C1QTNF3: variants seen among roughly 807,000 people sequenced by gnomAD.
C1QTNF3 encodes the protein complement C1q tumor necrosis factor-related protein 3.
C1QTNF3 carries 26 observed loss-of-function variants against 32.6 expected under a neutral mutation model. The ratio of observed to expected loss-of-function variants is 0.80; its 90% CI spans 0.58 to 1.11. C1QTNF3 has a LOEUF of 1.11. Ranked by LOEUF, C1QTNF3 falls within the 50% of genes least tolerant of loss-of-function variation. The pLI, the probability that C1QTNF3 is intolerant of heterozygous loss-of-function variation, is 0.00. For synonymous variants in C1QTNF3, 155 were observed against 146.0 expected, an observed-to-expected ratio of 1.06 and a Z score of -0.44; for missense variants, 362 against 398.2, an observed-to-expected ratio of 0.91 and a Z score of 0.77.
chr5:34,155,917 C>G, the C1QTNF3 span, among the ~76,000 whole-genome samples: 1 of 152,010 alleles, frequency 6.6e-6, no homozygotes, highest in Non-Finnish European at 1.5e-5. Flanking sequence ...TAAAGTCAAA[C>G]TAATTTAGCT....
the C1QTNF3 span, among the ~76,000 whole-genome samples, chr5:34,217,075 G>A: frequency 1.3e-5 from 2 of 152,072 alleles, no homozygotes; most frequent in Admixed American, 6.6e-5. Flanking sequence ...TAACTCTTGT[G>A]TCCATGTAAA....
At chr5:34,127,346 A>G in the C1QTNF3 span, among the ~76,000 whole-genome samples, 1 of 152,082 alleles carries the variant, frequency 6.6e-6, no homozygotes, top group Non-Finnish European at 1.5e-5. Flanking sequence ...CAAAATGTCG[A>G]TAGTGATATG....
upstream of C1QTNF3, among the ~76,000 whole-genome samples, chr5:34,047,394 T>C (rs185413913): frequency 8.0e-3 from 1,215 of 152,354 alleles, 11 homozygotes; most frequent in Non-Finnish European, 0.011. Flanking sequence ...GAGGCCGTTA[T>C]AAGATGTGTA....
chr5:34,181,541 T>C, the C1QTNF3 span, among the ~76,000 whole-genome samples: 4 of 152,376 alleles, frequency 2.6e-5, no homozygotes, highest in East Asian at 7.7e-4. Flanking sequence ...CTCCATGAAA[T>C]TGGGGTGTGG....
At chr5:34,182,497 A>ATAAG in the C1QTNF3 span, among the ~76,000 whole-genome samples, 2 of 152,058 alleles carry the variant, frequency 1.3e-5, no homozygotes, top group African/African-American at 4.8e-5. Context: ...AAATAAATAA[A>ATAAG]TAAATAAATA....
At chr5:34,051,457 C>T in the C1QTNF3 span, among the ~76,000 whole-genome samples, 1 of 152,156 alleles carries the variant, frequency 6.6e-6, no homozygotes, top group Admixed American at 6.5e-5. Context: ...TTCTGCAACT[C>T]ACACATAGTA....
the C1QTNF3 span, among the ~76,000 whole-genome samples, chr5:34,226,725 CTGT>C: frequency 2.0e-5 from 3 of 151,908 alleles, no homozygotes; most frequent in Admixed American, 2.0e-4. Context: ...TAAGAGCCTA[CTGT>C]TGACTGGACA....
At chr5:34,054,336 C>G in the C1QTNF3 span, among the ~76,000 whole-genome samples, 1 of 152,216 alleles carries the variant, frequency 6.6e-6, no homozygotes, top group African/African-American at 2.4e-5. Flanking sequence ...GAGATAAACA[C>G]AGTTCTGTAT....
At chr5:34,181,069 T>C in the C1QTNF3 span, among the ~76,000 whole-genome samples, 2 of 152,304 alleles carry the variant, frequency 1.3e-5, no homozygotes, top group East Asian at 1.9e-4. Context: ...ACCCACCGCA[T>C]CCGGCCTAGA....
At chr5:34,074,669 T>A in the C1QTNF3 span, among the ~76,000 whole-genome samples, 4 of 151,696 alleles carry the variant, frequency 2.6e-5, no homozygotes, top group East Asian at 7.7e-4. Context: ...TGTTTCAGGG[T>A]TCCACATGCT....
the C1QTNF3 span, among the ~76,000 whole-genome samples, chr5:34,141,357 ATCTG>A: frequency 6.6e-6 from 1 of 152,088 alleles, no homozygotes; most frequent in African/African-American, 2.4e-5. Context: ...TGACCTCGTG[ATCTG>A]TCTGCCTCAG....
At chr5:34,032,714 C>G (rs1207831789) in intron 3 of C1QTNF3, among the ~76,000 whole-genome samples, 1 of 152,028 alleles carries the variant, frequency 6.6e-6, no homozygotes, top group Non-Finnish European at 1.5e-5. Flanking sequence ...GAGAATTGCT[C>G]AAACCCACGA....
chr5:34,201,337 T>A, the C1QTNF3 span, among the ~76,000 whole-genome samples: 1 of 152,170 alleles, frequency 6.6e-6, no homozygotes, highest in Non-Finnish European at 1.5e-5. Context: ...ACTTGCAATT[T>A]ACCAAGAAAT....
At chr5:34,173,110 C>G in the C1QTNF3 span, among the ~76,000 whole-genome samples, 2 of 151,986 alleles carry the variant, frequency 1.3e-5, no homozygotes, top group Non-Finnish European at 2.9e-5. Flanking sequence ...TACAGTTGCA[C>G]TAAAGTATAT....
the C1QTNF3 span, among the ~76,000 whole-genome samples, chr5:34,056,511 GAGAGAGAGAGAGAGAGAA>G: frequency 7.1e-6 from 1 of 141,602 alleles, no homozygotes; most frequent in African/African-American, 2.7e-5. Context: ...GAGAGAGAGA[GAGAGAGAGAGAGAGAGAA>G]AGAGATAGGG....
At chr5:34,094,504 ATAAATGT>A in the C1QTNF3 span, among the ~76,000 whole-genome samples, 1 of 150,902 alleles carries the variant, frequency 6.6e-6, no homozygotes, top group Non-Finnish European at 1.5e-5. Context: ...GAAGAGTAAT[ATAAATGT>A]TAATTTTCTA....
chr5:34,081,549 A>G, the C1QTNF3 span, among the ~76,000 whole-genome samples: 4 of 151,622 alleles, frequency 2.6e-5, 1 homozygote, highest in Admixed American at 2.6e-4. Context: ...ATTTGAATCA[A>G]CAGAGAATAA....
chr5:34,143,014 C>T, the C1QTNF3 span, among the ~76,000 whole-genome samples: 2 of 152,144 alleles, frequency 1.3e-5, no homozygotes, highest in Non-Finnish European at 2.9e-5. Context: ...AAAATTAAAA[C>T]CCAATCCAAG....
At chr5:34,140,006 G>C in the C1QTNF3 span, among the ~76,000 whole-genome samples, 14 of 152,226 alleles carry the variant, frequency 9.2e-5, no homozygotes, top group East Asian at 2.7e-3. Flanking sequence ...TAGAAGTACA[G>C]ACACCCGCTG....
Sources: allele counts gnomAD v4.1 joint callset (sites outside exome capture counted in the v4.1 genomes callset), GRCh38; gene constraint gnomAD v4.1.1; transcripts MANE v1.5; gene names NCBI Gene and HGNC (gene_info 2026-07-23, HGNC 2026-07-21).